The following TLL1 variants were observed in gnomAD, a reference collection of about 807,000 sequenced individuals.
TLL1 encodes tolloid like 1.
Under a neutral mutation model 128.2 loss-of-function variants are expected in TLL1, and 49 were observed. That is an observed-to-expected ratio of 0.38 (90% CI 0.30 to 0.48). TLL1 has a LOEUF of 0.48. Among genes scored for constraint, TLL1 ranks in the 20% least tolerant of loss-of-function variants. TLL1 has a pLI of 0.96. For missense variants in TLL1, 1,123 were observed against 1,242.0 expected (o/e 0.90, Z 1.44); for synonymous variants, 454 against 418.8 (o/e 1.08, Z -1.03).
chr4:166,056,922 ATT>A (rs1740036199), intron 13 of TLL1, among the ~76,000 whole-genome samples: 1 of 152,082 alleles, frequency 6.6e-6, no homozygotes, highest in South Asian at 2.1e-4. Flanking sequence ...GAAGAAATGA[ATT>A]GTTTCCATTT....
chr4:165,981,317 A>AT (rs1183083457), intron 1 of TLL1, among the ~76,000 whole-genome samples: 1 of 152,034 alleles, frequency 6.6e-6, no homozygotes, highest in African/African-American at 2.4e-5. Context: ...AAACCTGTGG[A>AT]TTTTTTGTTT....
chr4:165,899,894 G>A (rs1323028186), intron 1 of TLL1, among the ~76,000 whole-genome samples: 2 of 152,038 alleles, frequency 1.3e-5, no homozygotes, highest in Admixed American at 1.3e-4. Flanking sequence ...TATGAATCTG[G>A]GTGCTACTGT....
chr4:166,073,814 A>G (rs1740900264), intron 16 of TLL1, among the ~76,000 whole-genome samples: 1 of 152,198 alleles, frequency 6.6e-6, no homozygotes, highest in East Asian at 1.9e-4. Context: ...AAGCAAAAAT[A>G]GAATAATTTC....
chr4:165,893,280 C>G (rs1280370786), intron 1 of TLL1, among the ~76,000 whole-genome samples: 2 of 151,610 alleles, frequency 1.3e-5, no homozygotes, highest in African/African-American at 4.9e-5. Context: ...AGAAACTGGA[C>G]AAAATATATG....
In TLL1 at chr4:166,082,835, C is replaced by T. The variant is rs141306487; in HGVS notation, c.2442+4805C>T. Among the ~76,000 whole-genome samples the T allele has an allele frequency of 9.4e-3, 1,427 of 151,876 alleles. 22 individuals are homozygous for T. Among genetic ancestry groups the T allele is most frequent in the African/African-American group, 0.032 (1,320 of 41,414 alleles). On this transcript the variant is annotated intron_variant, in intron 18 of 20. Coordinates refer to ENST00000061240, the MANE Select transcript of TLL1 (RefSeq NM_012464.5). Reference sequence around the variant, plus strand: ...TGGAATTACAGGCGCCTGCCACCACCCCTGGCTAATTTTTGTATTTTTGTA... The same window carrying T: ...TGGAATTACAGGCGCCTGCCACCACTCCTGGCTAATTTTTGTATTTTTGTA...
chr4:166,040,995 T>C (rs899791268), intron 10 of TLL1, among the ~76,000 whole-genome samples: 1 of 152,298 alleles, frequency 6.6e-6, no homozygotes, highest in African/African-American at 2.4e-5. Context: ...GAGGCAGACA[T>C]AAGCATAAAT....
intron 13 of TLL1, 55 bp from the exon 14 acceptor site, chr4:166,057,129 A>T (rs987350741): frequency 6.2e-7 from 1 of 1,605,832 alleles, no homozygotes; most frequent in African/African-American, 1.3e-5. Context: ...ACCATTTCAC[A>T]TACATACACA....
At chr4:165,874,804 A>T (rs1730651069) in intron 1 of TLL1, among the ~76,000 whole-genome samples, 1 of 152,218 alleles carries the variant, frequency 6.6e-6, no homozygotes, top group African/African-American at 2.4e-5. Context: ...AGGGTCCCTG[A>T]ATGTCCCAGG....
At chr4:166,031,906 T>C (rs1451313082) in intron 9 of TLL1, among the ~76,000 whole-genome samples, 2 of 152,102 alleles carry the variant, frequency 1.3e-5, no homozygotes, top group African/African-American at 2.4e-5. Context: ...CTACACTAGG[T>C]GCTGTGCCAA....
chr4:165,923,995 C>T (rs572263504), intron 1 of TLL1, among the ~76,000 whole-genome samples: 3 of 152,064 alleles, frequency 2.0e-5, no homozygotes, highest in African/African-American at 7.2e-5. Context: ...ATGAACCATG[C>T]CCATATAAGA....
intron 1 of TLL1, among the ~76,000 whole-genome samples, chr4:165,879,830 C>T (rs1730900365): frequency 6.6e-6 from 1 of 151,944 alleles, no homozygotes; most frequent in South Asian, 2.1e-4. Flanking sequence ...ACTCGGGGGC[C>T]TGGCAAGGTT....
intron 12 of TLL1, among the ~76,000 whole-genome samples, chr4:166,051,929 TA>T (rs1211555430): frequency 6.6e-6 from 1 of 152,176 alleles, no homozygotes; most frequent in East Asian, 1.9e-4. Flanking sequence ...TATAATTAGC[TA>T]TTTTTACCTG....
At chr4:165,989,678 T>TA (rs397729934) in intron 2 of TLL1, among the ~76,000 whole-genome samples, 187 bp downstream of exon 2, 1 of 151,456 alleles carries the variant, frequency 6.6e-6, no homozygotes, top group Admixed American at 6.6e-5. Context: ...TTTTTTTTTT[T>TA]ACCAAACAGG....
chr4:165,999,726 A>G (rs1320887485), intron 5 of TLL1, among the ~76,000 whole-genome samples: 1 of 151,700 alleles, frequency 6.6e-6, no homozygotes, highest in Admixed American at 6.6e-5. Flanking sequence ...CACCTGCCTC[A>G]GCCTCCCAAA....
chr4:166,023,740 T>C (rs1738353689), intron 8 of TLL1, among the ~76,000 whole-genome samples: 1 of 152,230 alleles, frequency 6.6e-6, no homozygotes, highest in Non-Finnish European at 1.5e-5. Context: ...GTATTTTGTT[T>C]AGCATGTATT....
chr4:166,051,746 A>G (rs72974372), intron 12 of TLL1, among the ~76,000 whole-genome samples: 2,247 of 152,322 alleles, frequency 0.015, 68 homozygotes, highest in African/African-American at 0.051. Context: ...TTGTAAAGAT[A>G]TAATGTATTT....
In TLL1 at chr4:165,974,420, G is replaced by A. The variant is rs145890154; in HGVS notation, c.170-14961G>A. On this transcript the variant is annotated intron_variant, in intron 1 of 20. Coordinates refer to ENST00000061240, the MANE Select transcript of TLL1 (RefSeq NM_012464.5). ...CTCCCAAAGTGCTGGGATTACAGGCGTGAGCCACCGCGCCTGGCCTCATCT... is the reference window on the plus strand; with the variant it reads ...CTCCCAAAGTGCTGGGATTACAGGCATGAGCCACCGCGCCTGGCCTCATCT... Among the ~76,000 whole-genome samples the A allele has an allele frequency of 7.8e-3, 1,023 of 131,302 alleles. 211 individuals carry two copies. The highest frequency in any genetic ancestry group is 0.043 in the African/African-American group (952 of 22,296). The allele number at this position is 131,302 out of a possible 152,430, so 86.1% of individuals were successfully genotyped here.
chr4:166,006,437 G>T (rs1737431193), intron 6 of TLL1, among the ~76,000 whole-genome samples: 1 of 151,728 alleles, frequency 6.6e-6, no homozygotes, highest in African/African-American at 2.4e-5. Flanking sequence ...GTTGCGTAAT[G>T]TTCTACTTTC....
chr4:166,039,156 TG>T (rs1462504209), intron 9 of TLL1, among the ~76,000 whole-genome samples, 182 bp from the exon 10 acceptor site: 1 of 152,118 alleles, frequency 6.6e-6, no homozygotes, highest in Admixed American at 6.6e-5. Context: ...TTAAAGAAAA[TG>T]GGAAAACATG....
Sources: allele counts gnomAD v4.1 joint callset (sites outside exome capture counted in the v4.1 genomes callset), GRCh38; gene constraint gnomAD v4.1.1; transcripts MANE v1.5; gene names NCBI Gene and HGNC (gene_info 2026-07-23, HGNC 2026-07-21).